The following SHISA9 variants were observed in gnomAD, a reference collection of about 807,000 sequenced individuals.
SHISA9 encodes the protein protein shisa-9.
In SHISA9, 13 loss-of-function variants were observed where a neutral mutation model predicts 38.0. That is an observed-to-expected ratio of 0.34 (90% CI 0.22 to 0.54). The LOEUF (loss-of-function observed/expected upper bound fraction) is 0.54, where lower values mean the gene tolerates loss of function less well. SHISA9 is among the 20% of genes least tolerant of loss of function. SHISA9 has a pLI of 0.91. For synonymous variants in SHISA9, 275 were observed against 242.0 expected, an observed-to-expected ratio of 1.14 and a Z score of -1.27; for missense variants, 538 against 575.8, an observed-to-expected ratio of 0.93 and a Z score of 0.67.
chr16:13,429,478 A>G, the SHISA9 span, among the ~76,000 whole-genome samples: 1 of 152,144 alleles, frequency 6.6e-6, no homozygotes, highest in African/African-American at 2.4e-5. Context: ...GTGTCTTCAC[A>G]TCGTCTTCCT....
At chr16:13,040,302 C>T (rs1487987629) in intron 2 of SHISA9, among the ~76,000 whole-genome samples, 3 of 152,182 alleles carry the variant, frequency 2.0e-5, no homozygotes, top group African/African-American at 4.8e-5. Context: ...GGTTGGCTTT[C>T]TATTCCTTAA....
chr16:13,161,952 T>C (rs1277548952), intron 2 of SHISA9, among the ~76,000 whole-genome samples: 1 of 152,264 alleles, frequency 6.6e-6, no homozygotes, highest in East Asian at 1.9e-4. Flanking sequence ...TCCATTGAAA[T>C]GATCTTATGG....
chr16:13,412,820 G>A, the SHISA9 span, among the ~76,000 whole-genome samples: 5 of 152,210 alleles, frequency 3.3e-5, no homozygotes, highest in Middle Eastern at 3.4e-3. Flanking sequence ...ACACACCACT[G>A]TACTCAGTCC....
the SHISA9 span, among the ~76,000 whole-genome samples, chr16:13,311,693 AG>A: frequency 6.6e-6 from 1 of 152,162 alleles, no homozygotes; most frequent in Non-Finnish European, 1.5e-5. Flanking sequence ...AAATAAATGG[AG>A]ATTGTTCTCG....
chr16:13,363,868 C>G, the SHISA9 span, among the ~76,000 whole-genome samples: 7 of 152,134 alleles, frequency 4.6e-5, no homozygotes, highest in African/African-American at 1.7e-4. Context: ...AAGAGTAGTC[C>G]AAAGACCAGA....
chr16:13,083,247 G>A (rs556996433), intron 2 of SHISA9, among the ~76,000 whole-genome samples: 2 of 152,218 alleles, frequency 1.3e-5, no homozygotes, highest in Admixed American at 1.3e-4. Context: ...ACAGGATGGA[G>A]ACATTTTTAA....
chr16:13,115,982 C>T (rs2074027577), intron 2 of SHISA9, among the ~76,000 whole-genome samples: 1 of 152,124 alleles, frequency 6.6e-6, no homozygotes, highest in Non-Finnish European at 1.5e-5. Context: ...ATACCATTTC[C>T]TGCATGAACG....
At chr16:13,360,866 TC>T in the SHISA9 span, among the ~76,000 whole-genome samples, 1 of 152,150 alleles carries the variant, frequency 6.6e-6, no homozygotes, top group East Asian at 1.9e-4. Flanking sequence ...ACACAGTTCC[TC>T]AGAGGGCTCC....
chr16:13,453,875 T>C, the SHISA9 span, among the ~76,000 whole-genome samples: 1 of 152,220 alleles, frequency 6.6e-6, no homozygotes, highest in African/African-American at 2.4e-5. Flanking sequence ...AGGGATCCAC[T>C]GTCTTTAGAA....
At chr16:13,482,595 T>C in the SHISA9 span, among the ~76,000 whole-genome samples, 1 of 149,674 alleles carries the variant, frequency 6.7e-6, no homozygotes, top group Non-Finnish European at 1.5e-5. Flanking sequence ...AGCCCAGGAG[T>C]TCAAGACCAG....
At chr16:13,122,788 G>C (rs1156653065) in intron 2 of SHISA9, among the ~76,000 whole-genome samples, 1 of 152,168 alleles carries the variant, frequency 6.6e-6, no homozygotes, top group East Asian at 1.9e-4. Context: ...GATTCACACT[G>C]GTAATCCTAG....
the SHISA9 span, among the ~76,000 whole-genome samples, chr16:13,296,445 C>G: frequency 1.3e-5 from 2 of 151,854 alleles, no homozygotes; most frequent in African/African-American, 4.8e-5. Context: ...AAACAGATCC[C>G]TTCCTCACTG....
At chr16:13,479,890 A>G in the SHISA9 span, among the ~76,000 whole-genome samples, 23 of 152,182 alleles carry the variant, frequency 1.5e-4, no homozygotes, top group Non-Finnish European at 2.5e-4. Context: ...TCCATTTCCT[A>G]TGTTCTTCTC....
chr16:13,317,732 A>C, the SHISA9 span, among the ~76,000 whole-genome samples: 4 of 152,226 alleles, frequency 2.6e-5, no homozygotes, highest in African/African-American at 9.6e-5. Flanking sequence ...CAAGTGCTTA[A>C]TAAATGTTGG....
the SHISA9 span, among the ~76,000 whole-genome samples, chr16:13,334,641 G>A: frequency 6.6e-6 from 1 of 151,958 alleles, no homozygotes; most frequent in South Asian, 2.1e-4. Flanking sequence ...AGGCGTGGTG[G>A]CGGGCGCCTG....
At chr16:13,291,912 G>C in the SHISA9 span, among the ~76,000 whole-genome samples, 1 of 152,168 alleles carries the variant, frequency 6.6e-6, no homozygotes, top group South Asian at 2.1e-4. Context: ...ACTGCTAAGA[G>C]ATAGGGAGAA....
chr16:12,949,462 A>T (rs2071727421), intron 2 of SHISA9, among the ~76,000 whole-genome samples: 1 of 152,224 alleles, frequency 6.6e-6, no homozygotes, highest in Non-Finnish European at 1.5e-5. Context: ...ACCAAGGGGT[A>T]CAGTTTAGAG....
At chr16:13,234,478 T>C (rs1372088607) in intron 4 of SHISA9, among the ~76,000 whole-genome samples, 3 of 152,160 alleles carry the variant, frequency 2.0e-5, no homozygotes, top group Non-Finnish European at 2.9e-5. Context: ...GGTGTCACAG[T>C]TGAAATGTGA....
intron 2 of SHISA9, among the ~76,000 whole-genome samples, chr16:13,056,581 G>A (rs1359178731): frequency 6.6e-6 from 1 of 152,336 alleles, no homozygotes; most frequent in East Asian, 1.9e-4. Flanking sequence ...GTAATAAATA[G>A]CATGACTCTG....
Sources: gnomAD v4.1 joint callset for allele counts (sites outside exome capture counted in the v4.1 genomes callset) on GRCh38, gnomAD v4.1.1 for gene constraint, MANE v1.5 for transcripts, NCBI Gene and HGNC (gene_info 2026-07-23, HGNC 2026-07-21) for gene names.